Variants in FMNL2 observed in about 807,000 individuals in gnomAD.
FMNL2 encodes the protein formin-like protein 2.
FMNL2 carries 51 observed loss-of-function variants against 130.2 expected under a neutral mutation model. That is an observed-to-expected ratio of 0.39 (90% CI 0.31 to 0.49). The LOEUF (loss-of-function observed/expected upper bound fraction) is 0.49, where lower values mean the gene tolerates loss of function less well. FMNL2 is among the 20% of genes least tolerant of loss of function. The pLI, the probability that FMNL2 is intolerant of heterozygous loss-of-function variation, is 0.85. For missense variants in FMNL2, 977 were observed against 1,316.2 expected, an observed-to-expected ratio of 0.74 and a Z score of 3.99; for synonymous variants, 465 against 467.1, an observed-to-expected ratio of 1.00 and a Z score of 0.06.
At chr2:152,562,966 T>G (rs79267481) in intron 6 of FMNL2, among the ~76,000 whole-genome samples, 1 of 152,352 alleles carries the variant, frequency 6.6e-6, no homozygotes, top group Non-Finnish European at 1.5e-5. Context: ...GATTTGTTTT[T>G]CTGGTTAATA....
At chr2:152,341,098 G>A (rs191192588) in intron 1 of FMNL2, among the ~76,000 whole-genome samples, 3 of 152,212 alleles carry the variant, frequency 2.0e-5, no homozygotes, top group African/African-American at 7.2e-5. Context: ...GCAGATGGGC[G>A]GGTGGGAGTG....
chr2:152,395,593 A>G (rs990935283), intron 1 of FMNL2, among the ~76,000 whole-genome samples: 1 of 152,230 alleles, frequency 6.6e-6, no homozygotes, highest in Non-Finnish European at 1.5e-5. Context: ...TTATTTAACT[A>G]GACTACAATG....
intron 1 of FMNL2, among the ~76,000 whole-genome samples, chr2:152,455,115 C>T (rs1159654427): frequency 6.6e-6 from 1 of 152,062 alleles, no homozygotes; most frequent in African/African-American, 2.4e-5. Flanking sequence ...ATCCCTGGAA[C>T]TGGGAGACAG....
At chr2:152,338,804 C>T (rs1247886808) in intron 1 of FMNL2, among the ~76,000 whole-genome samples, 3 of 112,244 alleles carry the variant, frequency 2.7e-5, no homozygotes, top group East Asian at 2.0e-4. Flanking sequence ...CTTTCAGGTA[C>T]AGCTGGAAGG....
At chr2:152,472,908 G>A (rs867802136) in intron 1 of FMNL2, among the ~76,000 whole-genome samples, 1 of 152,212 alleles carries the variant, frequency 6.6e-6, no homozygotes, top group Non-Finnish European at 1.5e-5. Flanking sequence ...TTTAAAAATA[G>A]AAGTTTAAGG....
chr2:152,549,405 A>G (rs1275452523), intron 4 of FMNL2, among the ~76,000 whole-genome samples: 1 of 152,204 alleles, frequency 6.6e-6, no homozygotes, highest in Non-Finnish European at 1.5e-5. Context: ...CCAATAGTGC[A>G]TGTAGACTGA....
Position 152,647,942 on chromosome 2 carries a change from G to C in FMNL2, c.*37G>C. 1 of 1,504,436 alleles carries C rather than the reference G, an allele frequency of 6.6e-7. No homozygotes were observed. Among genetic ancestry groups the C allele is most frequent in the Non-Finnish European group, 9.1e-7 (1 of 1,100,302 alleles). 93.2% of individuals were successfully genotyped at this position (1,504,436 alleles called of 1,614,324 possible). A position where few individuals can be genotyped will look rare whatever the true frequency, so the allele number is the denominator to read the frequency against. ...GCCTGCATGAATACAGGGTGTGCGTGAATGAAACTGCCCACATGAACTTTA... is the reference window on the plus strand; with the variant it reads ...GCCTGCATGAATACAGGGTGTGCGTCAATGAAACTGCCCACATGAACTTTA... On this transcript the variant is annotated 3_prime_UTR_variant, in exon 26 of 26. Transcript: ENST00000288670.
At chr2:152,425,399 C>T (rs1479806674) in intron 1 of FMNL2, among the ~76,000 whole-genome samples, 4 of 152,150 alleles carry the variant, frequency 2.6e-5, no homozygotes, top group Admixed American at 2.0e-4. Context: ...TCAGAATTCT[C>T]AGTTCAGTGT....
chr2:152,514,063 C>T (rs919854049), intron 1 of FMNL2, among the ~76,000 whole-genome samples: 9 of 152,100 alleles, frequency 5.9e-5, no homozygotes, highest in Non-Finnish European at 1.3e-4. Flanking sequence ...ATGGGCAGGC[C>T]ATGTGCTGAA....
chr2:152,454,089 C>T (rs1490176375), intron 1 of FMNL2, among the ~76,000 whole-genome samples: 1 of 151,982 alleles, frequency 6.6e-6, no homozygotes, highest in African/African-American at 2.4e-5. Flanking sequence ...GCCTGGCCAA[C>T]ATGGTGAAAC....
chr2:152,636,318 G>T, intron 21 of FMNL2, 109 bp from the exon 22 acceptor site: 1 of 1,158,712 alleles, frequency 8.6e-7, no homozygotes. Flanking sequence ...TAGGTTTAGG[G>T]CCCTTGAGTA....
At chr2:152,641,217 T>C (rs948331854) in intron 25 of FMNL2, among the ~76,000 whole-genome samples, 4 of 152,220 alleles carry the variant, frequency 2.6e-5, no homozygotes, top group African/African-American at 9.6e-5. Flanking sequence ...CCTAGCCACC[T>C]GCCTGATTAA....
intron 1 of FMNL2, among the ~76,000 whole-genome samples, chr2:152,375,739 G>A (rs1262088367): frequency 6.6e-6 from 1 of 151,708 alleles, no homozygotes; most frequent in East Asian, 1.9e-4. Context: ...AATACAAATG[G>A]ACAGTTGTAT....
intron 1 of FMNL2, among the ~76,000 whole-genome samples, chr2:152,378,538 T>C (rs1330782040): frequency 6.6e-6 from 1 of 152,204 alleles, no homozygotes; most frequent in Non-Finnish European, 1.5e-5. Context: ...TTTTCCTCTG[T>C]ATTTTGTTTT....
chr2:152,477,553 G>C (rs767314861), intron 1 of FMNL2, among the ~76,000 whole-genome samples: 4 of 152,166 alleles, frequency 2.6e-5, no homozygotes, highest in Non-Finnish European at 4.4e-5. Context: ...TGGTGTCTCA[G>C]AGTAAGGAGC....
chr2:152,613,787 T>C (rs975504711), intron 11 of FMNL2, among the ~76,000 whole-genome samples: 1 of 152,238 alleles, frequency 6.6e-6, no homozygotes, highest in Non-Finnish European at 1.5e-5. Context: ...ATTGGCATCA[T>C]CCATGCACCA....
At chr2:152,454,138 A>G (rs1164564212) in intron 1 of FMNL2, among the ~76,000 whole-genome samples, 1 of 152,098 alleles carries the variant, frequency 6.6e-6, no homozygotes, top group Admixed American at 6.6e-5. Flanking sequence ...TTAGCTGGGC[A>G]TGGTGGCAGA....
At chr2:152,461,886 A>G (rs540827075) in intron 1 of FMNL2, among the ~76,000 whole-genome samples, 12 of 151,684 alleles carry the variant, frequency 7.9e-5, no homozygotes, top group Non-Finnish European at 1.5e-5. Flanking sequence ...CACTAGCCCT[A>G]CATAGCTTTT....
chr2:152,470,878 T>C (rs1025628022), intron 1 of FMNL2, among the ~76,000 whole-genome samples: 1 of 152,222 alleles, frequency 6.6e-6, no homozygotes, highest in Non-Finnish European at 1.5e-5. Flanking sequence ...TTAAATATGG[T>C]TCTCATTTGA....
Sources: allele counts gnomAD v4.1 joint callset (sites outside exome capture counted in the v4.1 genomes callset), GRCh38; gene constraint gnomAD v4.1.1; transcripts MANE v1.5; gene names NCBI Gene and HGNC (gene_info 2026-07-23, HGNC 2026-07-21).